The following CACNA1C variants were observed in gnomAD, a reference collection of about 807,000 sequenced individuals.
CACNA1C encodes the protein voltage-dependent L-type calcium channel subunit alpha-1C.
CACNA1C carries 30 observed loss-of-function variants against 229.0 expected under a neutral mutation model. The observed-to-expected ratio is 0.13, with a 90% CI of 0.10 to 0.18. The LOEUF (loss-of-function observed/expected upper bound fraction) is 0.18. CACNA1C is among the 10% of genes least tolerant of loss of function. CACNA1C has a pLI of 1.00. For missense variants in CACNA1C, 1,658 were observed against 2,845.0 expected, an observed-to-expected ratio of 0.58 and a Z score of 9.49; for synonymous variants, 1,114 against 1,132.5, an observed-to-expected ratio of 0.98 and a Z score of 0.33.
intron 1 of CACNA1C, among the ~76,000 whole-genome samples, chr12:2,046,790 G>GT (rs767043517): frequency 2.0e-5 from 3 of 152,136 alleles, no homozygotes; most frequent in Non-Finnish European, 2.9e-5. Flanking sequence ...TTCCCTAAGT[G>GT]TAGTGTATAA....
At chr12:2,203,239 T>C (rs1463808377) in intron 3 of CACNA1C, among the ~76,000 whole-genome samples, 1 of 152,100 alleles carries the variant, frequency 6.6e-6, no homozygotes, top group Non-Finnish European at 1.5e-5. Flanking sequence ...CCGCCTGCGA[T>C]CCATCTCCAT....
At chr12:2,526,696 C>T (rs185197850) in intron 9 of CACNA1C, among the ~76,000 whole-genome samples, 3 of 152,316 alleles carry the variant, frequency 2.0e-5, no homozygotes, top group African/African-American at 7.2e-5. Context: ...TAAACACAGC[C>T]CATGAATGAA....
chr12:2,559,341 C>T (rs568856643), intron 11 of CACNA1C, among the ~76,000 whole-genome samples: 1 of 152,280 alleles, frequency 6.6e-6, no homozygotes, highest in South Asian at 2.1e-4. Context: ...ACTTGTGTCT[C>T]GAGTTAGAGA....
intron 3 of CACNA1C, among the ~76,000 whole-genome samples, chr12:2,442,015 A>G (rs751025843): frequency 2.0e-5 from 3 of 152,188 alleles, no homozygotes; most frequent in East Asian, 3.8e-4. Context: ...CCTTTTGCAC[A>G]TGAGAAAATA....
chr12:2,522,364 G>A (rs2099811620), intron 9 of CACNA1C, among the ~76,000 whole-genome samples: 1 of 152,220 alleles, frequency 6.6e-6, no homozygotes, highest in African/African-American at 2.4e-5. Context: ...GAATTGAATT[G>A]AATTCTCTTC....
At chr12:2,052,063 G>T (rs760704512), upstream of CACNA1C, among the ~76,000 whole-genome samples, 1 of 152,202 alleles carries the variant, frequency 6.6e-6, no homozygotes, top group Admixed American at 6.5e-5. Context: ...GGTCCTGCAG[G>T]GGGTGCCGTG....
chr12:2,092,285 T>C lies in CACNA1C; in HGVS notation c.50-22939T>C, dbSNP rs114213225. Among the ~76,000 whole-genome samples, 865 of 152,300 alleles carry C rather than the reference T, an allele frequency of 5.7e-3. 8 individuals carry two copies. Among genetic ancestry groups the C allele is most frequent in the African/African-American group, 0.02 (818 of 41,556 alleles). On this transcript the variant is annotated intron_variant, in intron 1 of 46. Coordinates refer to ENST00000399655, the MANE Select transcript of CACNA1C (RefSeq NM_000719.7). ...AATACTGCACACCCTGTAAGCCTAATTGGGTCATACATAACTTGTACAGTG... is the reference window on the plus strand; with the variant it reads ...AATACTGCACACCCTGTAAGCCTAACTGGGTCATACATAACTTGTACAGTG...
rs900669406 is a variant in CACNA1C, at chr12:2,287,585, C to G, written c.478-161391C>G. Among the ~76,000 whole-genome samples, 11 of 152,128 alleles carry G rather than the reference C, an allele frequency of 7.2e-5. No individual in the cohort carries two copies. The highest frequency in any genetic ancestry group is 7.2e-4 in the Admixed American group (11 of 15,274). On this transcript the variant is annotated intron_variant, in intron 3 of 46. Coordinates refer to ENST00000399655, the MANE Select transcript of CACNA1C (RefSeq NM_000719.7). This position sits in a 1 kb window ranked among gnomAD's most constrained non-coding sequence, Gnocchi z 4.6. ...TGCCATCGGGAGTGCTCCTGTGATT[C>G]TTTAAGTTAGTAATTCTCATCCCTG...
At chr12:2,343,877 G>T (rs897742764) in intron 3 of CACNA1C, among the ~76,000 whole-genome samples, 2 of 152,102 alleles carry the variant, frequency 1.3e-5, no homozygotes, top group Admixed American at 1.3e-4. Flanking sequence ...ACCAAATAAG[G>T]GTCTGTTTAC....
At chr12:2,408,104 C>T (rs1312357006) in intron 3 of CACNA1C, among the ~76,000 whole-genome samples, 1 of 152,142 alleles carries the variant, frequency 6.6e-6, no homozygotes, top group Non-Finnish European at 1.5e-5. Flanking sequence ...ATGGGTGAAC[C>T]TTGAAAACAT....
intron 3 of CACNA1C, among the ~76,000 whole-genome samples, chr12:2,163,666 G>C (rs961152711): frequency 6.6e-6 from 1 of 152,204 alleles, no homozygotes; most frequent in African/African-American, 2.4e-5. Flanking sequence ...TTTGGCAGGC[G>C]AGTTGACCAT....
intron 3 of CACNA1C, chr12:2,223,279 A>G (rs2061962150): frequency 1.3e-5 from 2 of 152,228 alleles, no homozygotes; most frequent in Non-Finnish European, 2.9e-5. Flanking sequence ...GTAAAGGGAG[A>G]TGAAGCAGCC....
intron 9 of CACNA1C, among the ~76,000 whole-genome samples, chr12:2,514,592 G>A (rs996637314): frequency 3.9e-5 from 6 of 152,212 alleles, no homozygotes; most frequent in African/African-American, 1.2e-4. Flanking sequence ...TGTGAGCCAC[G>A]GAGAAGCCTA....
At position 2,665,570 on chromosome 12, in the gene CACNA1C, G is replaced by T; in HGVS notation, c.4399-11G>T. ...TCTTCTCACAGCACCTCATTGTACT[G>T]TTCCCCACAGATCATCAACCTCTTT... is the stretch of plus-strand genomic sequence containing the variant. On this transcript the variant is annotated splice_polypyrimidine_tract_variant and intron_variant, in intron 35 of 46. Coordinates refer to ENST00000399655, the MANE Select transcript of CACNA1C (RefSeq NM_000719.7). The surrounding 1 kb of genome is among the most constrained non-coding windows in gnomAD (Gnocchi z 5.9). 1 of 1,612,914 alleles carries T rather than the reference G, an allele frequency of 6.2e-7. No individual in the cohort carries two copies.
At chr12:2,337,312 CG>C (rs2096728754) in intron 3 of CACNA1C, among the ~76,000 whole-genome samples, 2 of 152,176 alleles carry the variant, frequency 1.3e-5, no homozygotes, top group African/African-American at 4.8e-5. Context: ...TGTTTCTGGC[CG>C]TATGAACACC....
intron 1 of CACNA1C, among the ~76,000 whole-genome samples, chr12:2,085,856 C>G (rs1481187379): frequency 1.3e-5 from 2 of 152,168 alleles, no homozygotes; most frequent in Admixed American, 6.5e-5. Context: ...TTTACTGTTT[C>G]TTCTACCAAC....
chr12:2,266,067 A>G (rs1417512937), intron 3 of CACNA1C, among the ~76,000 whole-genome samples: 1 of 152,218 alleles, frequency 6.6e-6, no homozygotes, highest in Non-Finnish European at 1.5e-5. Flanking sequence ...CTATTCTGCT[A>G]TCAAAGAGCT....
At chr12:2,612,237 C>G in intron 29 of CACNA1C, 1 of 511,788 alleles carries the variant, frequency 2.0e-6, no homozygotes, top group South Asian at 2.8e-5. Flanking sequence ...CCCTGGCTGG[C>G]ATGCACAAGC....
chr12:2,255,035 C>T (rs1431401334), intron 3 of CACNA1C, among the ~76,000 whole-genome samples: 3 of 152,130 alleles, frequency 2.0e-5, no homozygotes, highest in African/African-American at 4.8e-5. Flanking sequence ...TGTGATTCCC[C>T]GCCCCTGTGA....
Sources: allele counts gnomAD v4.1 joint callset (sites outside exome capture counted in the v4.1 genomes callset), GRCh38; gene constraint gnomAD v4.1.1; non-coding constraint Gnocchi (gnomAD v3.1); transcripts MANE v1.5; gene names NCBI Gene and HGNC (gene_info 2026-07-23, HGNC 2026-07-21).